LIMCH1: variants seen among roughly 807,000 people sequenced by gnomAD.
LIMCH1 encodes LIM and calponin homology domains-containing protein 1.
LIMCH1 carries 113 observed loss-of-function variants against 176.5 expected under a neutral mutation model. The observed-to-expected ratio is 0.64, with a 90% CI of 0.55 to 0.75. The LOEUF (loss-of-function observed/expected upper bound fraction) is 0.75. Ranked by LOEUF, LIMCH1 falls within the 30% of genes least tolerant of loss-of-function variation. The pLI is 0.00. For synonymous variants in LIMCH1, 619 were observed against 645.9 expected (o/e 0.96, Z 0.63); for missense variants, 1,674 against 1,814.9 (o/e 0.92, Z 1.41).
At chr4:41,590,705 G>A (rs779381618) in intron 1 of LIMCH1, among the ~76,000 whole-genome samples, 4 of 152,050 alleles carry the variant, frequency 2.6e-5, no homozygotes, top group Non-Finnish European at 5.9e-5. Context: ...CACCTTCTGG[G>A]TCAAACGTCC....
rs1561311203 is a variant in LIMCH1 at position 41,419,643 on chromosome 4, T to TCC, written c.96+58707_96+58708insCC. On this transcript the variant is annotated intron_variant, in intron 1 of 26. Coordinates refer to the LIMCH1 transcript ENST00000313860. ...CCTTCCTTCCTTCCTTCCTCCTTCC[T>TCC]TTCTTCCTCCTTCCTTCCTTCCTTC... 3.5e-4 allele frequency among the ~76,000 whole-genome samples: 31 copies of TCC among 89,026 alleles called. 3 individuals carry two copies. The highest frequency in any genetic ancestry group is 2.1e-3 in the African/African-American group (28 of 13,156). 58.4% of individuals were successfully genotyped at this position (89,026 alleles called of 152,430 possible).
At chr4:41,558,375 A>G (rs1282537749) in intron 1 of LIMCH1, among the ~76,000 whole-genome samples, 1 of 152,220 alleles carries the variant, frequency 6.6e-6, no homozygotes, top group Non-Finnish European at 1.5e-5. Flanking sequence ...GCCACTGGCT[A>G]AATGAATGGT....
intron 1 of LIMCH1, among the ~76,000 whole-genome samples, chr4:41,368,802 G>A (rs1323809238): frequency 6.6e-6 from 1 of 152,266 alleles, no homozygotes; most frequent in East Asian, 1.9e-4. Flanking sequence ...ATGATCCACT[G>A]TCCATTTTAC....
chr4:41,646,318 T>C (rs2094055045), intron 16 of LIMCH1, 38 bp downstream of exon 16: 1 of 1,559,006 alleles, frequency 6.4e-7, no homozygotes, highest in African/African-American at 1.4e-5. Context: ...TGTACAATAT[T>C]ATCTAGGTGT....
intron 4 of LIMCH1, chr4:41,612,825 C>T (rs542411240): frequency 5.2e-5 from 61 of 1,179,508 alleles, no homozygotes; most frequent in Admixed American, 3.2e-4. Flanking sequence ...TCAGGAAAAG[C>T]GTTTTGCATA....
chr4:41,378,225 A>G (rs1348069980), intron 1 of LIMCH1, among the ~76,000 whole-genome samples: 5 of 152,228 alleles, frequency 3.3e-5, no homozygotes, highest in Non-Finnish European at 7.3e-5. Context: ...TCACATCAGC[A>G]GAGGCCTTGT....
chr4:41,580,954 G>C (rs1249568459), intron 1 of LIMCH1, among the ~76,000 whole-genome samples: 5 of 152,156 alleles, frequency 3.3e-5, no homozygotes, highest in Non-Finnish European at 5.9e-5. Context: ...GATCAAAATT[G>C]ATCCCAGAAG....
intron 23 of LIMCH1, among the ~76,000 whole-genome samples, chr4:41,677,387 G>A (rs770034700): frequency 1.9e-4 from 29 of 151,856 alleles, no homozygotes; most frequent in Non-Finnish European, 4.0e-4. Context: ...CAGCCTGGAC[G>A]ACAAAAACAA....
intron 15 of LIMCH1, among the ~76,000 whole-genome samples, chr4:41,645,712 C>T (rs2094026908): frequency 6.6e-6 from 1 of 152,196 alleles, no homozygotes; most frequent in East Asian, 1.9e-4. Context: ...CCTTGACTGC[C>T]TTCCATGTGG....
intron 1 of LIMCH1, among the ~76,000 whole-genome samples, chr4:41,547,733 A>G (rs2079701503): frequency 6.9e-6 from 1 of 145,616 alleles, no homozygotes; most frequent in Admixed American, 7.0e-5. Context: ...CATATATAAT[A>G]TATACATAAA....
chr4:41,414,150 T>TG (rs756403372), intron 1 of LIMCH1, among the ~76,000 whole-genome samples: 13 of 152,058 alleles, frequency 8.5e-5, no homozygotes, highest in South Asian at 6.3e-4. Context: ...ATTAACAGGA[T>TG]GGGGGGGCAG....
At chr4:41,547,951 A>G (rs2079825816) in intron 1 of LIMCH1, among the ~76,000 whole-genome samples, 1 of 148,164 alleles carries the variant, frequency 6.7e-6, no homozygotes, top group Non-Finnish European at 1.5e-5. Flanking sequence ...AGATGACTAT[A>G]GTAATGGTGC....
At chr4:41,518,168 A>G (rs960775162) in intron 2 of LIMCH1, among the ~76,000 whole-genome samples, 4 of 152,202 alleles carry the variant, frequency 2.6e-5, no homozygotes, top group African/African-American at 7.2e-5. Flanking sequence ...TAAATTTGCA[A>G]TCCTTTAAGA....
At chr4:41,502,018 C>T (rs1194222610) in intron 2 of LIMCH1, among the ~76,000 whole-genome samples, 2 of 151,788 alleles carry the variant, frequency 1.3e-5, no homozygotes, top group African/African-American at 4.8e-5. Flanking sequence ...TTAAGCCCAG[C>T]ATCCATGAGC....
rs965621988 is a variant in LIMCH1, at chr4:41,460,476, A to ATATATATATATATATC, written c.97-34057_97-34056insATATATATATATCTAT. ...TAATCATCTATATATATATATATATATATCTTATAATATCATGTTATAGAT... is the reference window on the plus strand; with the variant it reads ...TAATCATCTATATATATATATATATATATATATATATATATCTATCTTATAATATCATGTTATAGAT... On this transcript the variant is annotated intron_variant, in intron 1 of 26. Transcript: ENST00000313860. Among the ~76,000 whole-genome samples the ATATATATATATATATC allele has an allele frequency of 8.1e-4, 116 of 142,658 alleles. 4 individuals carry two copies. The South Asian group carries it at 0.015, about 19-fold the overall frequency. 93.6% of individuals were successfully genotyped at this position (142,658 alleles called of 152,430 possible).
upstream of LIMCH1, among the ~76,000 whole-genome samples, chr4:41,534,105 A>C (rs2077609474): frequency 1.3e-5 from 2 of 152,180 alleles, no homozygotes; most frequent in Non-Finnish European, 1.5e-5. Flanking sequence ...TAGAAAGCTG[A>C]TTATGGCAAG....
At chr4:41,469,214 C>T (rs1210423113) in intron 1 of LIMCH1, among the ~76,000 whole-genome samples, 1 of 152,182 alleles carries the variant, frequency 6.6e-6, no homozygotes, top group Non-Finnish European at 1.5e-5. Flanking sequence ...TGAAATAAAG[C>T]CAAGCACATT....
chr4:41,655,846 T>C (rs2094449168), intron 18 of LIMCH1, among the ~76,000 whole-genome samples: 1 of 152,112 alleles, frequency 6.6e-6, no homozygotes, highest in East Asian at 1.9e-4. Flanking sequence ...CAGCTCTTTT[T>C]GCCTCTCCTT....
rs1448573590 is a variant in LIMCH1 at position 41,670,769 on chromosome 4, G to A, written c.3398-785G>A. The A allele has an allele frequency of 4.6e-6, 7 of 1,535,804 alleles. No homozygotes were observed. The East Asian group carries it at 7.3e-5, about 16-fold the overall frequency. On this transcript the variant is annotated intron_variant, in intron 21 of 31. Coordinates refer to ENST00000503057, the MANE Select transcript of LIMCH1 (RefSeq NM_001330672.2). ...CTTAGAGTTCAGAACTCTTGGCGAC[G>A]ATCCCAGTTTTTCTCCCAGTCAGGT...
Sources: allele counts gnomAD v4.1 joint callset (sites outside exome capture counted in the v4.1 genomes callset), GRCh38; gene constraint gnomAD v4.1.1; transcripts MANE v1.5; gene names NCBI Gene and HGNC (gene_info 2026-07-23, HGNC 2026-07-21).